The following PDE4D variants were observed in gnomAD, a reference collection of about 807,000 sequenced individuals.
PDE4D encodes the protein 3',5'-cyclic-AMP phosphodiesterase 4D.
Under a neutral mutation model 87.4 loss-of-function variants are expected in PDE4D, and 24 were observed. The observed-to-expected ratio is 0.27, with a 90% CI of 0.20 to 0.39. The LOEUF (loss-of-function observed/expected upper bound fraction) is 0.39. Ranked by LOEUF, PDE4D falls within the 10% of genes least tolerant of loss-of-function variation. The probability of loss-of-function intolerance (pLI) is 1.00; values close to 1 mark genes in which losing one functional copy is unlikely to be tolerated. For missense variants in PDE4D, 714 were observed against 1,041.0 expected (o/e 0.69, Z 4.32); for synonymous variants, 384 against 383.2 (o/e 1.00, Z -0.02).
intron 1 of PDE4D, among the ~76,000 whole-genome samples, chr5:59,535,537 G>T (rs530237332): frequency 6.6e-6 from 1 of 152,256 alleles, no homozygotes; most frequent in South Asian, 2.1e-4. Context: ...ATGTGATAAA[G>T]TACATCAAGC....
chr5:59,932,755 C>A (rs971487366), intron 3 of PDE4D, among the ~76,000 whole-genome samples: 2 of 152,172 alleles, frequency 1.3e-5, no homozygotes, highest in Non-Finnish European at 2.9e-5. Context: ...CGATTCTACA[C>A]TGGACTTAGA....
chr5:59,267,717 G>C (rs911259753), intron 1 of PDE4D, among the ~76,000 whole-genome samples: 1 of 152,080 alleles, frequency 6.6e-6, no homozygotes, highest in Admixed American at 6.6e-5. Flanking sequence ...ATTTGTATTA[G>C]ATATAAAGAA....
intron 2 of PDE4D, among the ~76,000 whole-genome samples, chr5:60,090,945 A>AC (rs1775055433): frequency 6.6e-6 from 1 of 152,126 alleles, no homozygotes; most frequent in African/African-American, 2.4e-5. Flanking sequence ...CACACACACA[A>AC]AAACACATCT....
chr5:59,279,009 C>T (rs570795044), intron 1 of PDE4D, among the ~76,000 whole-genome samples: 18 of 152,192 alleles, frequency 1.2e-4, no homozygotes, highest in East Asian at 7.7e-4. Flanking sequence ...TGAGGTGTTA[C>T]GGAGTAATTT....
intron 1 of PDE4D, among the ~76,000 whole-genome samples, chr5:59,457,987 G>A (rs955952004): frequency 4.6e-5 from 7 of 152,138 alleles, no homozygotes; most frequent in African/African-American, 1.7e-4. Flanking sequence ...CTAGGAAAAT[G>A]TGAACCGTTA....
chr5:59,507,067 C>T lies in PDE4D; in HGVS notation c.456-291099G>A, dbSNP rs1038087665. ...ATAAAATGGGCCAGGCACAGTGGCT[C>T]ACACCTGTAATCCCAGCACTTTGGC... On this transcript the variant is annotated intron_variant, in intron 1 of 14. Coordinates refer to ENST00000340635, the MANE Select transcript of PDE4D (RefSeq NM_001104631.2). Among the ~76,000 whole-genome samples, 3 of 152,320 alleles carry T rather than the reference C, an allele frequency of 2.0e-5. No homozygotes were observed. The South Asian group carries it at 6.2e-4, about 32-fold the overall frequency.
At chr5:59,043,147 A>ATC in intron 5 of PDE4D, among the ~76,000 whole-genome samples, 1 of 152,330 alleles carries the variant, frequency 6.6e-6, no homozygotes, top group East Asian at 1.9e-4. Context: ...ACCTATTGGT[A>ATC]TACATGAAGA....
At chr5:59,393,373 G>T (rs401013) in intron 1 of PDE4D, among the ~76,000 whole-genome samples, 1 of 151,942 alleles carries the variant, frequency 6.6e-6, no homozygotes, top group African/African-American at 2.4e-5. Context: ...GCAAAAATAG[G>T]GGATAAAAGA....
intron 1 of PDE4D, among the ~76,000 whole-genome samples, chr5:59,489,628 T>C (rs1805821796): frequency 6.6e-6 from 1 of 152,206 alleles, no homozygotes; most frequent in African/African-American, 2.4e-5. Context: ...ATGGCTTCAA[T>C]GCTCTCAACA....
chr5:60,484,796 C>A (rs997251564), intron 1 of PDE4D, among the ~76,000 whole-genome samples: 1 of 150,202 alleles, frequency 6.7e-6, no homozygotes, highest in Non-Finnish European at 1.5e-5. Context: ...CTAACCCTAG[C>A]GTGATGAGCT....
chr5:60,410,923 T>C (rs554097023), intron 1 of PDE4D, among the ~76,000 whole-genome samples: 2 of 152,374 alleles, frequency 1.3e-5, no homozygotes, highest in Non-Finnish European at 2.9e-5. Context: ...CAGGAATTCA[T>C]TTAAACTTCT....
At chr5:60,178,237 G>T (rs1784097887) in intron 2 of PDE4D, among the ~76,000 whole-genome samples, 1 of 152,042 alleles carries the variant, frequency 6.6e-6, no homozygotes, top group Admixed American at 6.6e-5. Flanking sequence ...TGCATTTTAT[G>T]GTGGTTGTTT....
intron 1 of PDE4D, among the ~76,000 whole-genome samples, chr5:59,856,390 A>G (rs1745442334): frequency 6.6e-6 from 1 of 152,070 alleles, no homozygotes; most frequent in South Asian, 2.1e-4. Context: ...TCTATAAAAA[A>G]TTATTTCTGT....
chr5:59,698,135 C>T (rs1248319614), intron 1 of PDE4D, among the ~76,000 whole-genome samples: 1 of 152,054 alleles, frequency 6.6e-6, no homozygotes. Context: ...CCTAATTTTG[C>T]CTGAAGTCTT....
chr5:59,715,918 T>C (rs1754950974), intron 1 of PDE4D, among the ~76,000 whole-genome samples: 1 of 152,204 alleles, frequency 6.6e-6, no homozygotes, highest in Non-Finnish European at 1.5e-5. Context: ...CCTGTGGGCA[T>C]GTTTCTCCAT....
chr5:59,234,914 AG>A (rs1190343786), intron 1 of PDE4D, among the ~76,000 whole-genome samples: 1 of 152,158 alleles, frequency 6.6e-6, no homozygotes, highest in African/African-American at 2.4e-5. Flanking sequence ...TTTTTAAATA[AG>A]CAGTGTAGGT....
chr5:59,881,002 T>C (rs80230886), intron 1 of PDE4D, among the ~76,000 whole-genome samples: 3,937 of 152,228 alleles, frequency 0.026, 164 homozygotes, highest in African/African-American at 0.09. Flanking sequence ...AAATAATACA[T>C]AAAGTTAAAA....
intron 1 of PDE4D, chr5:59,592,068 G>A (rs1825995645): frequency 1.2e-6 from 1 of 866,764 alleles, no homozygotes; most frequent in Non-Finnish European, 1.4e-6. Flanking sequence ...ACCTGAGGTG[G>A]CTGTGCTTCC....
chr5:60,015,914 G>A (rs1333131314), intron 2 of PDE4D, among the ~76,000 whole-genome samples: 1 of 148,956 alleles, frequency 6.7e-6, no homozygotes, highest in South Asian at 2.1e-4. Context: ...TTGAGACAGA[G>A]TCTTACTCAG....
Sources: allele counts gnomAD v4.1 joint callset (sites outside exome capture counted in the v4.1 genomes callset), GRCh38; gene constraint gnomAD v4.1.1; transcripts MANE v1.5; gene names NCBI Gene and HGNC (gene_info 2026-07-23, HGNC 2026-07-21).